The following ADAMTS20 variants were observed in gnomAD, a reference collection of about 807,000 sequenced individuals.
The protein encoded by ADAMTS20 is A disintegrin and metalloproteinase with thrombospondin motifs 20.
A neutral mutation model predicts 260.1 loss-of-function variants in ADAMTS20; 225 were observed. The ratio of observed to expected loss-of-function variants is 0.87; its 90% CI spans 0.78 to 0.97. The LOEUF (loss-of-function observed/expected upper bound fraction) is 0.97. ADAMTS20 is among the 50% of genes least tolerant of loss of function. ADAMTS20 has a pLI of 0.00. For missense variants in ADAMTS20, 2,400 were observed against 2,337.7 expected, an observed-to-expected ratio of 1.03 and a Z score of -0.55; for synonymous variants, 802 against 769.5, an observed-to-expected ratio of 1.04 and a Z score of -0.70.
intron 37 of ADAMTS20, among the ~76,000 whole-genome samples, chr12:43,366,313 A>AAATCTC (rs1164647400): frequency 1.4e-4 from 22 of 152,034 alleles, no homozygotes; most frequent in African/African-American, 5.1e-4. Context: ...GTGTACAACA[A>AAATCTC]AATCTCAAAA....
intron 6 of ADAMTS20, 142 bp downstream of exon 6, chr12:43,492,363 G>A: frequency 9.7e-7 from 1 of 1,029,042 alleles, no homozygotes; most frequent in Non-Finnish European, 1.4e-6. Context: ...CTGGGCGACA[G>A]AGCGAGACTC....
chr12:43,489,754 A>G (rs1942574671), intron 7 of ADAMTS20, among the ~76,000 whole-genome samples: 1 of 151,918 alleles, frequency 6.6e-6, no homozygotes, highest in Non-Finnish European at 1.5e-5. Context: ...CTTCCAGTGA[A>G]GTTCATGACA....
At chr12:43,471,811 A>G (rs1301833362) in intron 7 of ADAMTS20, among the ~76,000 whole-genome samples, 1 of 138,706 alleles carries the variant, frequency 7.2e-6, no homozygotes, top group Non-Finnish European at 1.6e-5. Flanking sequence ...AACAGAAAGG[A>G]CATCCACACC....
chr12:43,417,000 C>A (rs1427769364), intron 28 of ADAMTS20, among the ~76,000 whole-genome samples: 3 of 152,130 alleles, frequency 2.0e-5, no homozygotes, highest in Non-Finnish European at 4.4e-5. Flanking sequence ...CTATGACATC[C>A]TTTTCTGGCT....
chr12:43,358,783 G>A (rs1455842044), intron 37 of ADAMTS20, among the ~76,000 whole-genome samples: 1 of 143,944 alleles, frequency 6.9e-6, no homozygotes, highest in East Asian at 2.0e-4. Context: ...CTTGCAGTGA[G>A]TCGAGATCGC....
chr12:43,514,430 C>T (rs771705913), intron 3 of ADAMTS20, among the ~76,000 whole-genome samples: 19 of 151,642 alleles, frequency 1.3e-4, no homozygotes, highest in South Asian at 2.1e-4. Flanking sequence ...GGTGTAGTGG[C>T]GCGTGCCTGT....
chr12:43,535,406 T>G (rs1439811725), intron 2 of ADAMTS20, among the ~76,000 whole-genome samples: 1 of 152,018 alleles, frequency 6.6e-6, no homozygotes, highest in African/African-American at 2.4e-5. Flanking sequence ...CAGGGATTTT[T>G]GTCAGAGGAG....
At chr12:43,539,040 C>T (rs1380860240) in intron 2 of ADAMTS20, among the ~76,000 whole-genome samples, 1 of 151,398 alleles carries the variant, frequency 6.6e-6, no homozygotes, top group Non-Finnish European at 1.5e-5. Flanking sequence ...GCAACCTCCA[C>T]CACCCGGGTT....
At chr12:43,547,848 A>G (rs1223691209) in intron 2 of ADAMTS20, among the ~76,000 whole-genome samples, 4 of 152,188 alleles carry the variant, frequency 2.6e-5, no homozygotes, top group Non-Finnish European at 5.9e-5. Flanking sequence ...GAACTAGGAG[A>G]AAAAAGGCCA....
chr12:43,430,664 T>C (rs1384300383), intron 22 of ADAMTS20, among the ~76,000 whole-genome samples, 193 bp from the exon 23 acceptor site: 2 of 152,128 alleles, frequency 1.3e-5, no homozygotes, highest in African/African-American at 4.8e-5. Context: ...AAATACCAAA[T>C]ATTGAAGTTA....
chr12:43,551,584 C>T lies in ADAMTS20; in HGVS notation c.91+247G>A, dbSNP rs1003507002. ...GCCCCCAACTCGTTCCCTCCGGGTG[C>T]AAGCGACCCCCTGCCCCTTGCGCCC... is the stretch of plus-strand genomic sequence containing the variant. On this transcript the variant is annotated intron_variant, in intron 1 of 38. Coordinates refer to ENST00000389420, the MANE Select transcript of ADAMTS20 (RefSeq NM_025003.5). This position sits in a 1 kb window ranked among gnomAD's most constrained non-coding sequence, Gnocchi z 4.6. Among the ~76,000 whole-genome samples the T allele has an allele frequency of 5.9e-5, 9 of 152,198 alleles. No individual in the cohort carries two copies. The highest frequency in any genetic ancestry group is 2.2e-4 in the African/African-American group (9 of 41,470).
intron 3 of ADAMTS20, among the ~76,000 whole-genome samples, chr12:43,516,992 A>G (rs1222473399): frequency 1.3e-5 from 2 of 152,062 alleles, no homozygotes; most frequent in Admixed American, 6.6e-5. Flanking sequence ...ACATGCAGGG[A>G]AAAAGCTGGA....
At chr12:43,481,233 AGCG>A (rs1942437179) in intron 7 of ADAMTS20, among the ~76,000 whole-genome samples, 1 of 152,198 alleles carries the variant, frequency 6.6e-6, no homozygotes, top group African/African-American at 2.4e-5. Context: ...CCACAAGCTT[AGCG>A]TTCCAATAAT....
chr12:43,515,055 C>A lies in ADAMTS20; in HGVS notation c.614-12650G>T, dbSNP rs1046149672. ...ATGTCCACTGACTATGATTTAACAG[C>A]AGACAACAAATAACTCCCTTTTGTT... On this transcript the variant is annotated intron_variant, in intron 3 of 38. Transcript: ENST00000389420. 6.6e-5 allele frequency among the ~76,000 whole-genome samples: 10 copies of A among 152,172 alleles called. No individual in the cohort carries two copies. In the East Asian group the frequency reaches 1.9e-3, roughly 29 times the overall value.
intron 3 of ADAMTS20, among the ~76,000 whole-genome samples, chr12:43,530,000 G>A (rs1297445193): frequency 2.0e-5 from 3 of 152,016 alleles, no homozygotes; most frequent in African/African-American, 7.2e-5. Context: ...TATGCTGATT[G>A]TACCTAAAAT....
chr12:43,400,983 T>C (rs1379041722), intron 28 of ADAMTS20, among the ~76,000 whole-genome samples: 1 of 151,944 alleles, frequency 6.6e-6, no homozygotes, highest in Non-Finnish European at 1.5e-5. Context: ...GCTTATAATC[T>C]AAATGATACA....
chr12:43,421,077 G>A (rs906244799), intron 28 of ADAMTS20, among the ~76,000 whole-genome samples: 1 of 151,578 alleles, frequency 6.6e-6, no homozygotes, highest in Non-Finnish European at 1.5e-5. Context: ...CCAAAGTGCT[G>A]GGATTACAGG....
chr12:43,383,142 T>G (rs1200901179), intron 31 of ADAMTS20, among the ~76,000 whole-genome samples: 2 of 152,176 alleles, frequency 1.3e-5, no homozygotes, highest in African/African-American at 4.8e-5. Flanking sequence ...ACAAGGAAAC[T>G]TTTGGGAGTG....
intron 19 of ADAMTS20, chr12:43,433,754 A>G (rs1246588583): frequency 4.2e-6 from 2 of 471,184 alleles, no homozygotes; most frequent in Non-Finnish European, 8.5e-6. Context: ...ACCAAATAAC[A>G]AGAAATTTAA....
Sources: allele counts gnomAD v4.1 joint callset (sites outside exome capture counted in the v4.1 genomes callset), GRCh38; gene constraint gnomAD v4.1.1; non-coding constraint Gnocchi (gnomAD v3.1); transcripts MANE v1.5; gene names NCBI Gene and HGNC (gene_info 2026-07-23, HGNC 2026-07-21).